The following NOL8 variants were observed in gnomAD, a reference collection of about 807,000 sequenced individuals.
NOL8 encodes the protein nucleolar protein Nop132.
NOL8 carries 93 observed loss-of-function variants against 116.1 expected under a neutral mutation model. The observed-to-expected ratio is 0.80, with a 90% CI of 0.68 to 0.95. The LOEUF is 0.95. NOL8 is among the 40% of genes least tolerant of loss of function. NOL8 has a pLI of 0.00. For synonymous variants in NOL8, 419 were observed against 469.0 expected, an observed-to-expected ratio of 0.89 and a Z score of 1.38; for missense variants, 1,291 against 1,382.8, an observed-to-expected ratio of 0.93 and a Z score of 1.05.
chr9:92,310,486 A>G, intron 9 of NOL8, 67 bp downstream of exon 9: 1 of 1,520,730 alleles, frequency 6.6e-7, no homozygotes, highest in African/African-American at 1.4e-5. Context: ...GCATTTACCC[A>G]GATTTAAGGA....
chr9:92,315,868 C>A lies in NOL8; in HGVS notation c.757G>T (p.Ala253Ser), dbSNP rs747413642. The part of the protein sequence containing the change: ...IERPPLTQQQ[A>S]AQKRTCDSIT... ...GAATCACAAGTTCTTTTTTGTGCAG[C>A]CTGTTGCTGTGTTAAGGGTGGTCTC... The change falls in exon 7 of 17, where the codon GCT (alanine) becomes TCT (serine). Residue 253 changes from alanine to serine, a missense_variant. Ala to Ser is a moderately conservative substitution (Grantham distance 99). Transcript: ENST00000442668. 1.9e-6 allele frequency: 3 copies of A among 1,613,870 alleles called. No homozygotes were observed. The highest frequency in any genetic ancestry group is 2.5e-6 in the Non-Finnish European group (3 of 1,179,870).
chr9:92,309,485 A>G (rs1226733598), intron 10 of NOL8, among the ~76,000 whole-genome samples: 2 of 152,112 alleles, frequency 1.3e-5, no homozygotes, highest in East Asian at 1.9e-4. Flanking sequence ...TGCAGATTAG[A>G]TTAATTCAGG....
At chr9:92,308,453 GAA>G in intron 10 of NOL8, among the ~76,000 whole-genome samples, 1 of 152,334 alleles carries the variant, frequency 6.6e-6, no homozygotes, top group East Asian at 1.9e-4. Flanking sequence ...GAAAGGTTAA[GAA>G]GAGCTGGTTT....
Position 92,299,982 on chromosome 9 carries a change from C to G in NOL8, c.3210G>C (p.Lys1070Asn). 6.2e-7 allele frequency: 1 copy of G among 1,613,634 alleles called. No individual in the cohort carries two copies. The highest frequency in any genetic ancestry group is 8.5e-7 in the Non-Finnish European group (1 of 1,179,662). ...TYRVETVKPG[K>N]IVWQEDPRLQ... ...AACGAGGGTCTTCCTGCCAGACAAT[C>G]TTTCCAGGTTTCACTGTTTCAACTC... Residue 1070 changes from lysine (K) to asparagine (N), a missense_variant, in exon 14 of 17, where the codon AAG becomes AAC. Transcript: ENST00000442668.
chr9:92,304,144 T>C (rs1358808469), intron 12 of NOL8, among the ~76,000 whole-genome samples: 2 of 152,194 alleles, frequency 1.3e-5, no homozygotes, highest in African/African-American at 4.8e-5. Context: ...TGTAAACCTG[T>C]GCCAGCACTT....
intron 10 of NOL8, 100 bp downstream of exon 10, chr9:92,310,071 G>A: frequency 5.2e-6 from 4 of 774,634 alleles, no homozygotes; most frequent in Non-Finnish European, 8.5e-6. Context: ...AATGTCTTGG[G>A]ATGGAGAGTT....
rs377059206 is a variant in NOL8 at position 92,305,037 on chromosome 9, G to A, written c.2903+716C>T. Among the ~76,000 whole-genome samples the A allele has an allele frequency of 2.6e-5, 4 of 151,922 alleles. No individual in the cohort carries two copies. The East Asian group carries it at 7.7e-4, about 29-fold the overall frequency. ...ACAGAAGCTCCTACCACACTAGATG[G>A]TTGAATGGTTGCCCCCCAAAAGCTA... On this transcript the variant is annotated intron_variant, in intron 12 of 16. Transcript: ENST00000442668.
intron 14 of NOL8, among the ~76,000 whole-genome samples, chr9:92,299,425 T>C (rs1292542818): frequency 6.6e-6 from 1 of 152,152 alleles, no homozygotes; most frequent in East Asian, 1.9e-4. Context: ...AAACACACTC[T>C]CCATTATAAA....
rs569360886 is a variant in NOL8 at position 92,315,095 on chromosome 9, T to G, written c.1530A>C (p.Gly510=). 7.4e-6 allele frequency: 12 copies of G among 1,613,996 alleles called. No homozygotes were observed. In the African/African-American group the frequency reaches 1.3e-4, roughly 18 times the overall value. ...KVPNEDTKSD[G]PETTTQCKFD... is the part of the protein sequence containing the mutation. Reference sequence around the variant, plus strand: ...ACTTGCATTGGGTGGTGGTTTCTGGTCCATCACTCTTAGTATCTTCATTTG... The same window carrying G: ...ACTTGCATTGGGTGGTGGTTTCTGGGCCATCACTCTTAGTATCTTCATTTG... The change falls in exon 7 of 17, where the codon GGA becomes GGC. Residue 510 remains glycine (G), a synonymous_variant. Coordinates refer to ENST00000442668, the MANE Select transcript of NOL8 (RefSeq NM_017948.6).
In NOL8 at chr9:92,301,735, C is replaced by T. The variant is rs768490399; in HGVS notation, c.2991G>A (p.Leu997=). Reference sequence around the variant, plus strand: ...ATTTTGTAGTTTGGAATATTTCTTTCAGATCCATAGCAATATTATAATACA... The same window carrying T: ...ATTTTGTAGTTTGGAATATTTCTTTTAGATCCATAGCAATATTATAATACA... The part of the protein sequence containing the change: ...KEMYYNIAMD[L]KEIFQTTKYT... The change falls in exon 13 of 17, where the codon CTG becomes CTA. Residue 997 remains leucine, a synonymous_variant. Coordinates refer to ENST00000442668, the MANE Select transcript of NOL8 (RefSeq NM_017948.6). 1 of 1,606,542 alleles carries T rather than the reference C, an allele frequency of 6.2e-7. No homozygotes were observed. Among genetic ancestry groups the T allele is most frequent in the South Asian group, 1.1e-5 (1 of 89,352 alleles).
intron 4 of NOL8, among the ~76,000 whole-genome samples, chr9:92,320,858 C>T (rs1364669866): frequency 6.6e-6 from 1 of 152,306 alleles, no homozygotes; most frequent in East Asian, 1.9e-4. Flanking sequence ...CCACCCGCCT[C>T]GGCCTCCCAA....
intron 4 of NOL8, chr9:92,319,909 C>T (rs1252908539): frequency 2.6e-6 from 1 of 380,872 alleles, no homozygotes; most frequent in Non-Finnish European, 5.2e-6. Context: ...ACACTACAGT[C>T]AGTCTCCCAA....
rs1164310874 is a variant in NOL8 at position 92,299,874 on chromosome 9, G to A, written c.3302+16C>T. On this transcript the variant is annotated intron_variant, in intron 14 of 16. Transcript: ENST00000442668. ...ACAAATTATGAACTATGCCTGCAAA[G>A]AAACAAATTGTTTACCCAGGACTGG... is the stretch of plus-strand genomic sequence containing the variant. The A allele has an allele frequency of 6.2e-7, 1 of 1,610,732 alleles. No individual in the cohort carries two copies. Among genetic ancestry groups the A allele is most frequent in the Admixed American group, 1.7e-5 (1 of 59,736 alleles).
chr9:92,305,843 A>AT lies in NOL8; in HGVS notation c.2826-14_2826-13insA, dbSNP rs773641637. 1.6e-5 allele frequency: 26 copies of AT among 1,587,484 alleles called. No homozygotes were observed. The highest frequency in any genetic ancestry group is 2.1e-5 in the Non-Finnish European group (24 of 1,156,828). On this transcript the variant is annotated splice_polypyrimidine_tract_variant and intron_variant, in intron 11 of 16. Coordinates refer to ENST00000442668, the MANE Select transcript of NOL8 (RefSeq NM_017948.6). ...ATGTATGATGTCCCTATGTAAAAAA[A>AT]GGAAGGGAGGTTGGAAGAGATAAAA... is the stretch of plus-strand genomic sequence containing the variant.
chr9:92,321,318 T>A (rs1839904661), intron 4 of NOL8, among the ~76,000 whole-genome samples: 1 of 152,228 alleles, frequency 6.6e-6, no homozygotes, highest in Non-Finnish European at 1.5e-5. Flanking sequence ...ATAACCATTT[T>A]CTGAAATACT....
Position 92,307,465 on chromosome 9 carries a change from A to G in NOL8, c.2687-441T>C, listed in dbSNP as rs560351308. Among the ~76,000 whole-genome samples, 15 of 152,348 alleles carry G rather than the reference A, an allele frequency of 9.8e-5. No individual in the cohort carries two copies. The South Asian group carries it at 2.9e-3, about 29-fold the overall frequency. ...CTGACAATATAAGATATTAGTGGATAGTTGTTTCAGTCTTTGATTCAATAA... is the reference window on the plus strand; with the variant it reads ...CTGACAATATAAGATATTAGTGGATGGTTGTTTCAGTCTTTGATTCAATAA... On this transcript the variant is annotated intron_variant, in intron 10 of 16. Coordinates refer to ENST00000442668, the MANE Select transcript of NOL8 (RefSeq NM_017948.6).
At chr9:92,317,755 T>A (rs1839539151) in intron 6 of NOL8, among the ~76,000 whole-genome samples, 1 of 151,872 alleles carries the variant, frequency 6.6e-6, no homozygotes, top group Admixed American at 6.6e-5. Flanking sequence ...ATCAAGACGG[T>A]CAGGTGCGGT....
chr9:92,305,785 G>C lies in NOL8; in HGVS notation c.2871C>G (p.Tyr957Ter), dbSNP rs562331472. ...YDPTKQDHAT[Y>*]ERKRDDKPKE... ...TTGGCTTATCATCTCTTTTTCTTTC[G>C]TAAGTGGCATGGTCTTGCTTCGTTG... The change falls in exon 12 of 17, where the codon TAC becomes TAG. Residue 957 changes from tyrosine (Y) to a stop codon, truncating the protein, a stop_gained. Coordinates refer to ENST00000442668, the MANE Select transcript of NOL8 (RefSeq NM_017948.6). LOFTEE classifies it high-confidence loss of function. 1.6e-5 allele frequency: 26 copies of C among 1,612,066 alleles called. No individual in the cohort carries two copies. The highest frequency in any genetic ancestry group is 2.2e-5 in the Non-Finnish European group (26 of 1,178,632).
At chr9:92,316,507 G>C (rs1186317518) in intron 6 of NOL8, among the ~76,000 whole-genome samples, 2 of 152,202 alleles carry the variant, frequency 1.3e-5, no homozygotes, top group African/African-American at 4.8e-5. Flanking sequence ...GGGTTCAGGA[G>C]AACCCAGAGG....
Sources: gnomAD v4.1 joint callset for allele counts (sites outside exome capture counted in the v4.1 genomes callset) on GRCh38, gnomAD v4.1.1 for gene constraint, MANE v1.5 for transcripts, NCBI Gene and HGNC (gene_info 2026-07-23, HGNC 2026-07-21) for gene names.